CLNK: variants seen among roughly 807,000 people sequenced by gnomAD.
The protein encoded by CLNK is cytokine-dependent hematopoietic cell linker.
In CLNK, 74 loss-of-function variants were observed where a neutral mutation model predicts 68.6. The observed-to-expected ratio is 1.08, with a 90% CI of 0.89 to 1.31. The LOEUF (loss-of-function observed/expected upper bound fraction) is 1.31, where lower values mean the gene tolerates loss of function less well. Among genes scored for constraint, CLNK ranks in the 50% most tolerant of loss-of-function variants. CLNK has a pLI of 0.00. For missense variants in CLNK, 553 were observed against 515.3 expected (o/e 1.07, Z -0.71); for synonymous variants, 198 against 172.2 (o/e 1.15, Z -1.17).
intron 2 of CLNK, among the ~76,000 whole-genome samples, chr4:10,606,394 T>C (rs1277668049): frequency 1.3e-5 from 2 of 151,460 alleles, no homozygotes; most frequent in African/African-American, 2.4e-5. Flanking sequence ...CCGGAATCCC[T>C]CCTCAAGAAC....
chr4:10,606,445 T>C (rs1275605853), intron 2 of CLNK, among the ~76,000 whole-genome samples: 1 of 152,094 alleles, frequency 6.6e-6, no homozygotes, highest in Non-Finnish European at 1.5e-5. Context: ...TTTTTTTTAA[T>C]ATAAGTAAAA....
intron 17 of CLNK, among the ~76,000 whole-genome samples, chr4:10,504,470 C>CTAA (rs958323461): frequency 1.3e-5 from 2 of 152,150 alleles, no homozygotes; most frequent in African/African-American, 4.8e-5. Flanking sequence ...ATTTTAGTCT[C>CTAA]ATTTTACAGG....
chr4:10,599,518 T>G (rs1233043463), intron 2 of CLNK, among the ~76,000 whole-genome samples: 1 of 152,234 alleles, frequency 6.6e-6, no homozygotes, highest in East Asian at 1.9e-4. Flanking sequence ...AAATACAGCT[T>G]AATTCACATA....
At chr4:10,570,470 A>G (rs1235911566) in intron 5 of CLNK, among the ~76,000 whole-genome samples, 1 of 152,202 alleles carries the variant, frequency 6.6e-6, no homozygotes, top group East Asian at 1.9e-4. Flanking sequence ...TTAATGTATT[A>G]TCTATTTTCT....
chr4:10,680,951 A>T (rs964174880), intron 1 of CLNK, among the ~76,000 whole-genome samples: 1 of 152,160 alleles, frequency 6.6e-6, no homozygotes. Context: ...GCTGATCGGG[A>T]GATCCCTAGA....
intron 2 of CLNK, among the ~76,000 whole-genome samples, chr4:10,639,724 C>A (rs1332388575): frequency 6.6e-6 from 1 of 152,122 alleles, no homozygotes; most frequent in Non-Finnish European, 1.5e-5. Flanking sequence ...TTTTTAAGTT[C>A]TCAGTAGCCA....
chr4:10,512,087 T>C (rs1181419747), intron 16 of CLNK, among the ~76,000 whole-genome samples: 1 of 152,206 alleles, frequency 6.6e-6, no homozygotes, highest in Non-Finnish European at 1.5e-5. Flanking sequence ...GCCTGTCTCA[T>C]GCCTATGAGG....
chr4:10,636,679 C>T (rs1039568989), intron 2 of CLNK, among the ~76,000 whole-genome samples: 6 of 152,052 alleles, frequency 3.9e-5, no homozygotes, highest in African/African-American at 7.2e-5. Context: ...GCTCTCATAC[C>T]GTGCACTTGG....
chr4:10,686,122 G>T (rs1725262425), upstream of CLNK, among the ~76,000 whole-genome samples: 1 of 152,142 alleles, frequency 6.6e-6, no homozygotes. Context: ...ATGAGGAGAA[G>T]ATCTGTTCCA....
At chr4:10,601,551 T>C (rs1721591367) in intron 2 of CLNK, among the ~76,000 whole-genome samples, 1 of 152,136 alleles carries the variant, frequency 6.6e-6, no homozygotes. Context: ...ATTTATAAAC[T>C]CTCAACACAT....
chr4:10,692,204 C>T, the CLNK span: 5 of 152,110 alleles, frequency 3.3e-5, no homozygotes, highest in Admixed American at 6.5e-5. Context: ...GTTTAGTCTA[C>T]AATGTACAAA....
At chr4:10,537,320 A>T (rs1718797503) in intron 11 of CLNK, among the ~76,000 whole-genome samples, 1 of 152,104 alleles carries the variant, frequency 6.6e-6, no homozygotes, top group African/African-American at 2.4e-5. Flanking sequence ...TCTACTAAAA[A>T]TATAAAAATT....
intron 2 of CLNK, among the ~76,000 whole-genome samples, chr4:10,610,411 A>T (rs1293633140): frequency 1.3e-5 from 2 of 151,840 alleles, no homozygotes; most frequent in Admixed American, 6.6e-5. Context: ...AGCTGATCTA[A>T]TTTAGAAAAC....
the CLNK span, among the ~76,000 whole-genome samples, chr4:10,734,180 A>G: frequency 6.8e-4 from 103 of 152,312 alleles, 1 homozygote; most frequent in African/African-American, 2.4e-3. Flanking sequence ...GCCAAAAGTC[A>G]GAGAGGTTAA....
the CLNK span, among the ~76,000 whole-genome samples, chr4:10,722,844 G>A: frequency 6.6e-6 from 1 of 152,180 alleles, no homozygotes; most frequent in African/African-American, 2.4e-5. Context: ...AAGGTCAGGA[G>A]TTCGAGACCA....
At chr4:10,674,120 G>A (rs1375304138) in intron 1 of CLNK, among the ~76,000 whole-genome samples, 1 of 152,096 alleles carries the variant, frequency 6.6e-6, no homozygotes, top group African/African-American at 2.4e-5. Flanking sequence ...GTCCAGAGTC[G>A]ACTCTGCTGT....
At chr4:10,513,009 T>A (rs1717659599) in intron 16 of CLNK, among the ~76,000 whole-genome samples, 1 of 152,294 alleles carries the variant, frequency 6.6e-6, no homozygotes, top group Middle Eastern at 3.4e-3. Context: ...GTGGGGATCA[T>A]AACCTCTAGC....
intron 2 of CLNK, among the ~76,000 whole-genome samples, chr4:10,653,191 G>A (rs1356099093): frequency 6.6e-6 from 1 of 152,058 alleles, no homozygotes; most frequent in Non-Finnish European, 1.5e-5. Context: ...GGCTTGTCAG[G>A]AGATGGGGGG....
chr4:10,537,637 C>CTTTCTT (rs1553848138), intron 11 of CLNK, among the ~76,000 whole-genome samples: 4 of 76,198 alleles, frequency 5.2e-5, no homozygotes, highest in South Asian at 5.2e-4. Context: ...TTCTTTCTTT[C>CTTTCTT]TCTTTCTTTC....
Sources: allele counts gnomAD v4.1 joint callset (sites outside exome capture counted in the v4.1 genomes callset), GRCh38; gene constraint gnomAD v4.1.1; transcripts MANE v1.5; gene names NCBI Gene and HGNC (gene_info 2026-07-23, HGNC 2026-07-21).